Variants in NUP85 observed in about 807,000 individuals in gnomAD.
The protein encoded by NUP85 is nuclear pore complex protein Nup85.
In NUP85, 23 loss-of-function variants were observed where a neutral mutation model predicts 92.8. The observed-to-expected ratio is 0.25, with a 90% confidence interval of 0.18 to 0.35. The LOEUF is 0.35. NUP85 is among the 10% of genes least tolerant of loss of function. NUP85 has a pLI of 1.00. For missense variants in NUP85, 759 were observed against 822.8 expected (o/e 0.92, Z 0.95); for synonymous variants, 314 against 306.9 (o/e 1.02, Z -0.24).
intron 1 of NUP85, among the ~76,000 whole-genome samples, 173 bp downstream of exon 1, chr17:75,205,967 C>G (rs927494642): frequency 6.6e-6 from 1 of 152,088 alleles, no homozygotes; most frequent in Non-Finnish European, 1.5e-5. Flanking sequence ...GCCCTAGGGT[C>G]GCAGTGGTCG....
chr17:75,210,218 T>C (rs2075215161), intron 3 of NUP85, among the ~76,000 whole-genome samples: 1 of 152,166 alleles, frequency 6.6e-6, no homozygotes, highest in Admixed American at 6.6e-5. Flanking sequence ...ATATTCATAT[T>C]TTACTTAGCC....
At chr17:75,229,063 TG>T (rs2145385279) in intron 11 of NUP85, 1 of 985,454 alleles carries the variant, frequency 1.0e-6, no homozygotes, top group South Asian at 4.7e-5. Flanking sequence ...TGCACTTCAC[TG>T]GGAGTTGGGC....
At position 75,226,177 on chromosome 17, in the gene NUP85, C is replaced by A. The variant is rs376187492; in HGVS notation, c.1094+20C>A. ...GTGCAGGTAGGATCTCTCCCACCCC[C>A]CACTGTAACCATTTTTAGGTGTACA... On this transcript the variant is annotated intron_variant, in intron 11 of 18. Coordinates refer to ENST00000245544, the MANE Select transcript of NUP85 (RefSeq NM_024844.5). 51 of 1,595,268 alleles carry A rather than the reference C, an allele frequency of 3.2e-5. No individual in the cohort carries two copies. The highest frequency in any genetic ancestry group is 1.7e-5 in the Admixed American group (1 of 59,950).
intron 17 of NUP85, 94 bp from the exon 18 acceptor site, chr17:75,235,006 G>A (rs543886237): frequency 1.4e-5 from 16 of 1,105,326 alleles, no homozygotes; most frequent in African/African-American, 6.1e-5. Context: ...ATTGCGAAGG[G>A]TATGAAAGGA....
At chr17:75,207,435 TCA>T (rs993232795) in intron 1 of NUP85, among the ~76,000 whole-genome samples, 5 of 152,040 alleles carry the variant, frequency 3.3e-5, no homozygotes, top group Non-Finnish European at 2.9e-5. Context: ...TCTGCCGGCC[TCA>T]GTCTCCCAAA....
intron 1 of NUP85, among the ~76,000 whole-genome samples, chr17:75,206,336 G>A (rs2075079797): frequency 6.6e-6 from 1 of 152,042 alleles, no homozygotes; most frequent in South Asian, 2.1e-4. Flanking sequence ...GATACCTACC[G>A]TTTCTGCTAG....
Position 75,212,081 on chromosome 17 carries a change from T to TGG in NUP85, c.361+20_361+21insGG, listed in dbSNP as rs780002714. ...GTTGCAAGTAAGGACTGTGTGCGCG[T>TGG]GCGCGCGTGTGTGTGTGTGTGTGTG... On this transcript the variant is annotated intron_variant, in intron 4 of 18. Coordinates refer to ENST00000245544, the MANE Select transcript of NUP85 (RefSeq NM_024844.5). 3 of 1,311,838 alleles carry TGG rather than the reference T, an allele frequency of 2.3e-6. No individual in the cohort carries two copies. Among genetic ancestry groups the TGG allele is most frequent in the Admixed American group, 1.8e-5 (1 of 55,422 alleles). 81.3% of individuals were successfully genotyped at this position (1,311,838 alleles called of 1,614,324 possible).
intron 7 of NUP85, among the ~76,000 whole-genome samples, chr17:75,219,905 G>T (rs1056417020): frequency 2.0e-5 from 3 of 152,072 alleles, no homozygotes; most frequent in Non-Finnish European, 4.4e-5. Flanking sequence ...CTAGAGCCAG[G>T]GTGGGGCAGG....
chr17:75,205,685 C>G lies in NUP85; in HGVS notation c.-77C>G, dbSNP rs1431057072. The G allele has an allele frequency of 1.3e-6, 2 of 1,576,904 alleles. No homozygotes were observed. Among genetic ancestry groups the G allele is most frequent in the African/African-American group, 1.3e-5 (1 of 74,150 alleles). On this transcript the variant is annotated 5_prime_UTR_variant, in exon 1 of 19. Transcript: ENST00000245544. ...GACGCCCAGGCGGAGTCTTGTCTCG[C>G]AGCCAGCTCTGAGCGGGAGGCCTGA...
intron 6 of NUP85, 62 bp from the exon 7 acceptor site, chr17:75,218,123 T>G: frequency 6.2e-7 from 1 of 1,608,260 alleles, no homozygotes; most frequent in Non-Finnish European, 8.5e-7. Flanking sequence ...GTTCCTTGGA[T>G]AAAGGAACTT....
intron 11 of NUP85, among the ~76,000 whole-genome samples, chr17:75,227,453 A>G (rs1466832052): frequency 6.7e-6 from 1 of 148,708 alleles, no homozygotes; most frequent in Non-Finnish European, 1.5e-5. Flanking sequence ...CTACTGCCTC[A>G]GTCTCCCAAG....
At position 75,227,299 on chromosome 17, in the gene NUP85, A is replaced by G. The variant is rs143663131; in HGVS notation, c.1094+1142A>G. Among the ~76,000 whole-genome samples, 41 of 150,880 alleles carry G rather than the reference A, an allele frequency of 2.7e-4. No homozygotes were observed. The East Asian group carries it at 8.0e-3, about 29-fold the overall frequency. On this transcript the variant is annotated intron_variant, in intron 11 of 18. Transcript: ENST00000245544. ...TGATACTAGATTTGGGGAATGAAAA[A>G]CAAGTTTTTTGTGTGTTTGTTTCTG...
At chr17:75,235,758 AG>A, downstream of NUP85, 1 of 1,053,884 alleles carries the variant, frequency 9.5e-7, no homozygotes, top group Non-Finnish European at 1.4e-6. Context: ...TTGCAAATGT[AG>A]GTTCTTAGAG....
At chr17:75,209,749 A>AT in intron 2 of NUP85, 74 bp from the exon 3 acceptor site, 8 of 1,344,338 alleles carry the variant, frequency 6.0e-6, no homozygotes, top group South Asian at 3.0e-5. Flanking sequence ...GCCACAGAAA[A>AT]TTTTTTTAGA....
chr17:75,231,879 A>C lies in NUP85; in HGVS notation c.1296A>C (p.Arg432=). Residue 432 remains arginine, a synonymous_variant, in exon 14 of 19, where the codon CGA becomes CGC. Transcript: ENST00000245544. The surrounding 1 kb of genome is among the most constrained non-coding windows in gnomAD (Gnocchi z 4.6). ...DYFDYCPELG[R]VSLELHIERI... is the part of the protein sequence containing the mutation. ...TTGATTACTGCCCCGAGCTGGGCCG[A>C]GTCTCCCTGGAGCTGCACATTGAGC... is the stretch of plus-strand genomic sequence containing the variant. 1.9e-6 allele frequency: 3 copies of C among 1,614,164 alleles called. No homozygotes were observed. The highest frequency in any genetic ancestry group is 2.5e-6 in the Non-Finnish European group (3 of 1,180,008).
At chr17:75,206,277 T>C (rs1298548666) in intron 1 of NUP85, among the ~76,000 whole-genome samples, 1 of 152,060 alleles carries the variant, frequency 6.6e-6, no homozygotes, top group Non-Finnish European at 1.5e-5. Flanking sequence ...ATGTCAACTG[T>C]GGATGATCTG....
chr17:75,211,968 T>A (rs1008586572), intron 3 of NUP85, 24 bp from the exon 4 acceptor site: 2 of 1,582,054 alleles, frequency 1.3e-6, no homozygotes, highest in African/African-American at 2.7e-5. Flanking sequence ...AGGCTCATCT[T>A]GTGTGTTATT....
At chr17:75,212,804 A>G (rs953262215) in intron 4 of NUP85, among the ~76,000 whole-genome samples, 4 of 152,068 alleles carry the variant, frequency 2.6e-5, no homozygotes, top group Non-Finnish European at 5.9e-5. Flanking sequence ...TACAGGTGTG[A>G]GCCACTGTGC....
intron 6 of NUP85, among the ~76,000 whole-genome samples, 197 bp from the exon 7 acceptor site, chr17:75,217,988 C>G (rs149474041): frequency 5.6e-4 from 86 of 152,290 alleles, no homozygotes; most frequent in African/African-American, 2.0e-3. Context: ...CTGCCTGGCA[C>G]AGAAGTAATA....
Sources: gnomAD v4.1 joint callset for allele counts (sites outside exome capture counted in the v4.1 genomes callset) on GRCh38, gnomAD v4.1.1 for gene constraint, Gnocchi (gnomAD v3.1) non-coding constraint, MANE v1.5 for transcripts, NCBI Gene and HGNC (gene_info 2026-07-23, HGNC 2026-07-21) for gene names.